The following RILPL1 variants were observed in gnomAD, a reference collection of about 807,000 sequenced individuals.
RILPL1 encodes Rab interacting lysosomal protein like 1, also known as RILP-like protein 1.
In RILPL1, 33 loss-of-function variants were observed where a neutral mutation model predicts 50.3. The observed-to-expected ratio is 0.66, with a 90% CI of 0.50 to 0.88. RILPL1 has a LOEUF of 0.88. RILPL1 is among the 40% of genes least tolerant of loss of function. The probability of loss-of-function intolerance (pLI) is 0.00; values close to 1 mark genes in which losing one functional copy is unlikely to be tolerated. For synonymous variants in RILPL1, 205 were observed against 228.6 expected (o/e 0.90, Z 0.93); for missense variants, 418 against 542.5 (o/e 0.77, Z 2.28).
chr12:123,472,368 G>C lies in RILPL1; in HGVS notation c.*170C>G, dbSNP rs1388276446. 1.6e-6 allele frequency: 1 copy of C among 637,376 alleles called. No individual in the cohort carries two copies. Among genetic ancestry groups the C allele is most frequent in the African/African-American group, 1.8e-5 (1 of 54,594 alleles). The allele number at this position is 637,376 out of a possible 1,614,324, so 39.5% of individuals were successfully genotyped here. ...ATAAATAAACATTTCTTTAGAGTTT[G>C]GCGTCAGTTTTTCAATGTCCATCCT... On this transcript the variant is annotated 3_prime_UTR_variant, in exon 7 of 7. Transcript: ENST00000376874.
intron 4 of RILPL1, among the ~76,000 whole-genome samples, chr12:123,497,480 C>T (rs1184601787): frequency 2.0e-5 from 3 of 152,278 alleles, no homozygotes; most frequent in Non-Finnish European, 4.4e-5. Flanking sequence ...CCTCTGCCTC[C>T]GAGGTTCAAG....
In RILPL1 at chr12:123,498,549, G is replaced by C. The variant is rs764473488; in HGVS notation, c.796C>G (p.Pro266Ala). The change falls in exon 4 of 7, where the codon CCT (proline) becomes GCT (alanine). Residue 266 changes from proline (P) to alanine (A), a missense_variant. Pro to Ala is a conservative substitution (Grantham distance 27). Transcript: ENST00000376874. The surrounding 1 kb of genome is among the most constrained non-coding windows in gnomAD (Gnocchi z 4.3). ...GCACCCAGCTTCCTGCTCACCTCAG[G>C]CTCCTCCTCCCCATTCTGGCTGTGC... ...GEHSQNGEEEPETEPVGEESI... is the reference protein window; with the variant it reads ...GEHSQNGEEEAETEPVGEESI... 3.1e-6 allele frequency: 5 copies of C among 1,612,778 alleles called. No homozygotes were observed. The highest frequency in any genetic ancestry group is 4.2e-6 in the Non-Finnish European group (5 of 1,179,694).
At chr12:123,475,350 C>T (rs905482484) in intron 6 of RILPL1, 7 of 369,002 alleles carry the variant, frequency 1.9e-5, no homozygotes, top group African/African-American at 8.1e-5. Context: ...CCGCAGTGGG[C>T]GTTGATTACT....
chr12:123,503,864 G>C (rs1019748675), intron 2 of RILPL1, among the ~76,000 whole-genome samples: 1 of 151,934 alleles, frequency 6.6e-6, no homozygotes, highest in South Asian at 2.1e-4. Flanking sequence ...AGCCAGGCAT[G>C]GTGGTGCACG....
chr12:123,488,739 G>C (rs1042944300), intron 4 of RILPL1, among the ~76,000 whole-genome samples: 1 of 152,222 alleles, frequency 6.6e-6, no homozygotes, highest in African/African-American at 2.4e-5. Flanking sequence ...GAGTCAGCAC[G>C]GGGCAGCAGA....
At chr12:123,484,860 A>G (rs1026354764) in intron 5 of RILPL1, 2 of 251,620 alleles carry the variant, frequency 7.9e-6, no homozygotes, top group African/African-American at 4.5e-5. Flanking sequence ...GGGTCCCACT[A>G]TGTTGCCCAG....
intron 2 of RILPL1, among the ~76,000 whole-genome samples, chr12:123,512,556 T>C (rs939909573): frequency 1.4e-5 from 2 of 141,964 alleles, no homozygotes; most frequent in African/African-American, 5.3e-5. Context: ...GTGGTGTGTG[T>C]GTGAGGTCTG....
intron 2 of RILPL1, among the ~76,000 whole-genome samples, chr12:123,509,958 G>A (rs1220059596): frequency 6.6e-6 from 1 of 152,238 alleles, no homozygotes; most frequent in Non-Finnish European, 1.5e-5. Flanking sequence ...CCAGTCCCTG[G>A]AGCCGAGGCC....
intron 2 of RILPL1, among the ~76,000 whole-genome samples, chr12:123,518,547 T>C (rs1355254686): frequency 6.6e-6 from 1 of 151,002 alleles, no homozygotes; most frequent in Non-Finnish European, 1.5e-5. Flanking sequence ...GTAAATTTTA[T>C]GTAAAATGTA....
intron 3 of RILPL1, among the ~76,000 whole-genome samples, chr12:123,499,195 G>T (rs1379246841): frequency 6.6e-6 from 1 of 152,168 alleles, no homozygotes; most frequent in Non-Finnish European, 1.5e-5. Flanking sequence ...CCAGGAGGCG[G>T]GAGGAGCCTG....
intron 1 of RILPL1, among the ~76,000 whole-genome samples, chr12:123,525,293 T>G (rs2139388481): frequency 6.6e-6 from 1 of 151,828 alleles, no homozygotes; most frequent in South Asian, 2.1e-4. Context: ...TTATAGCTCA[T>G]TGCAGCCTTG....
chr12:123,522,501 C>G lies in RILPL1; in HGVS notation c.460+994G>C, dbSNP rs188636478. 2.0e-5 allele frequency among the ~76,000 whole-genome samples: 3 copies of G among 152,328 alleles called. No individual in the cohort carries two copies. The East Asian group carries it at 5.8e-4, about 29-fold the overall frequency. ...GAGCCTCCAATCTCTTCCCAGCACA[C>G]TTAGAATAAAATCCAAACCTCAGCC... On this transcript the variant is annotated intron_variant, in intron 2 of 6. Coordinates refer to ENST00000376874, the MANE Select transcript of RILPL1 (RefSeq NM_178314.5). This position sits in a 1 kb window ranked among gnomAD's most constrained non-coding sequence, Gnocchi z 4.0.
At position 123,522,461 on chromosome 12, in the gene RILPL1, G is replaced by A. The variant is rs940587708; in HGVS notation, c.460+1034C>T. Among the ~76,000 whole-genome samples the A allele has an allele frequency of 2.8e-4, 43 of 152,134 alleles. No homozygotes were observed. Among genetic ancestry groups the A allele is most frequent in the African/African-American group, 5.6e-4 (23 of 41,418 alleles). ...CATCCCGGGCTGCTCACTGGTAAGC[G>A]TTTGCCTGTGATAAGAGCCTCCAAT... is the stretch of plus-strand genomic sequence containing the variant. On this transcript the variant is annotated intron_variant, in intron 2 of 6. Transcript: ENST00000376874. The surrounding 1 kb of genome is among the most constrained non-coding windows in gnomAD (Gnocchi z 4.0).
At chr12:123,500,397 C>T (rs368530208) in intron 2 of RILPL1, among the ~76,000 whole-genome samples, 47 of 151,680 alleles carry the variant, frequency 3.1e-4, no homozygotes, top group Admixed American at 5.3e-4. Flanking sequence ...GATCTTCCCA[C>T]CTCAGCCTCC....
At position 123,533,394 on chromosome 12, in the gene RILPL1, A is replaced by T; in HGVS notation, c.89T>A (p.Ile30Asn). The change falls in exon 1 of 7, where the codon ATC becomes AAC. Residue 30 changes from isoleucine to asparagine, a missense_variant. Coordinates refer to ENST00000376874, the MANE Select transcript of RILPL1 (RefSeq NM_178314.5). The surrounding 1 kb of genome is among the most constrained non-coding windows in gnomAD (Gnocchi z 6.2). ...GAACTCGTGGCCCACAAGCGACGCG[A>T]TGTCGTACACGTCCATGACGGTCAG... is the stretch of plus-strand genomic sequence containing the variant. The part of the protein sequence containing the change: ...AELTVMDVYD[I>N]ASLVGHEFER... 6.4e-7 allele frequency: 1 copy of T among 1,557,722 alleles called. No individual in the cohort carries two copies. Among genetic ancestry groups the T allele is most frequent in the Non-Finnish European group, 8.7e-7 (1 of 1,152,364 alleles).
chr12:123,511,933 G>A (rs567852955), intron 2 of RILPL1, among the ~76,000 whole-genome samples: 1 of 110,730 alleles, frequency 9.0e-6, no homozygotes, highest in African/African-American at 3.1e-5. Context: ...TGTGTGGTGT[G>A]TGAGGTTTGT....
chr12:123,488,429 A>G (rs1882482529), intron 4 of RILPL1, among the ~76,000 whole-genome samples: 1 of 149,724 alleles, frequency 6.7e-6, no homozygotes, highest in African/African-American at 2.5e-5. Flanking sequence ...TCTCCAACAA[A>G]GTGAGACCCT....
At chr12:123,479,338 G>A (rs1416775072) in intron 6 of RILPL1, among the ~76,000 whole-genome samples, 2 of 152,152 alleles carry the variant, frequency 1.3e-5, no homozygotes, top group South Asian at 4.1e-4. Flanking sequence ...TGCTGCAGGA[G>A]GAGGGGTGGG....
At chr12:123,474,535 G>C (rs1011101200) in intron 6 of RILPL1, 1 of 152,004 alleles carries the variant, frequency 6.6e-6, no homozygotes, top group African/African-American at 2.4e-5. Context: ...TGTATTTTTA[G>C]TAGAGACGGG....
Sources: allele counts gnomAD v4.1 joint callset (sites outside exome capture counted in the v4.1 genomes callset), GRCh38; gene constraint gnomAD v4.1.1; non-coding constraint Gnocchi (gnomAD v3.1); transcripts MANE v1.5; gene names NCBI Gene and HGNC (gene_info 2026-07-23, HGNC 2026-07-21).